The following SLC28A1 variants were observed in gnomAD, a reference collection of about 807,000 sequenced individuals.
The protein encoded by SLC28A1 is solute carrier family 28 member 1.
A neutral mutation model predicts 74.8 loss-of-function variants in SLC28A1; 64 were observed. The ratio of observed to expected loss-of-function variants is 0.86; its 90% CI spans 0.70 to 1.05. SLC28A1 has a LOEUF of 1.05. SLC28A1 is among the 50% of genes least tolerant of loss of function. The pLI is 0.00. For missense variants in SLC28A1, 828 were observed against 822.8 expected (o/e 1.01, Z -0.08); for synonymous variants, 359 against 335.0 (o/e 1.07, Z -0.78).
the SLC28A1 span, among the ~76,000 whole-genome samples, chr15:84,956,513 G>A: frequency 3.7e-4 from 42 of 113,064 alleles, no homozygotes; most frequent in Admixed American, 6.1e-4. Flanking sequence ...TTTTTCTTTC[G>A]ACAGGGTCTC....
chr15:84,912,808 A>ACG (rs1567150962), intron 9 of SLC28A1, among the ~76,000 whole-genome samples: 2 of 50,878 alleles, frequency 3.9e-5, no homozygotes, highest in African/African-American at 5.8e-5. Context: ...GCGCGCGCGC[A>ACG]CACACACACA....
Position 84,945,519 on chromosome 15 carries a change from C to T in SLC28A1, c.*319C>T, listed in dbSNP as rs1035113198. 2 of 395,018 alleles carry T rather than the reference C, an allele frequency of 5.1e-6. No individual in the cohort carries two copies. Among genetic ancestry groups the T allele is most frequent in the East Asian group, 6.0e-5 (1 of 16,706 alleles). The allele number at this position is 395,018 out of a possible 1,614,324, so 24.5% of individuals were successfully genotyped here. A position where few individuals can be genotyped will look rare whatever the true frequency, so the allele number is the denominator to read the frequency against. ...CACCCTGGTCCTCTCTATCCCCCCT[C>T]TCCTGGGGTCCCTCACATGCCCCTT... is the stretch of plus-strand genomic sequence containing the variant. On this transcript the variant is annotated 3_prime_UTR_variant, in exon 19 of 19. Transcript: ENST00000394573.
chr15:84,918,708 C>T (rs1969438821), intron 10 of SLC28A1, 104 bp downstream of exon 10: 1 of 862,068 alleles, frequency 1.2e-6, no homozygotes, highest in African/African-American at 1.6e-5. Context: ...CCTCCCCAGA[C>T]ACACTGCTCC....
chr15:84,908,178 CTTTT>C (rs71135328), intron 8 of SLC28A1, among the ~76,000 whole-genome samples: 9 of 91,356 alleles, frequency 9.9e-5, no homozygotes, highest in Non-Finnish European at 1.7e-4. Context: ...CAGAGCATTT[CTTTT>C]TTTTTTTTTT....
intron 8 of SLC28A1, among the ~76,000 whole-genome samples, chr15:84,906,581 CCTTCCTT>C (rs1567140912): frequency 3.9e-5 from 2 of 50,904 alleles, no homozygotes; most frequent in African/African-American, 1.6e-4. Context: ...TTTCTTCCTT[CCTTCCTT>C]CCTTCCTTCC....
At chr15:84,893,299 C>T (rs188412421) in intron 5 of SLC28A1, among the ~76,000 whole-genome samples, 35 of 152,244 alleles carry the variant, frequency 2.3e-4, no homozygotes, top group African/African-American at 7.5e-4. Context: ...CTGGCGACCA[C>T]GGAGCCTCTC....
At chr15:84,894,645 C>T (rs896607379) in intron 5 of SLC28A1, among the ~76,000 whole-genome samples, 8 of 152,212 alleles carry the variant, frequency 5.3e-5, no homozygotes, top group African/African-American at 7.2e-5. Context: ...TGATGCCCAG[C>T]GCCTCTTGCT....
intron 8 of SLC28A1, among the ~76,000 whole-genome samples, chr15:84,906,560 CTTTCTCTTTCTT>C (rs1168526491): frequency 3.9e-4 from 33 of 83,970 alleles, no homozygotes; most frequent in African/African-American, 1.6e-3. Context: ...TTCTTTCTTT[CTTTCTCTTTCTT>C]TCTTCCTTCC....
intron 12 of SLC28A1, 87 bp downstream of exon 12, chr15:84,924,197 G>A: frequency 6.8e-7 from 1 of 1,464,478 alleles, no homozygotes; most frequent in Non-Finnish European, 9.5e-7. Flanking sequence ...GGCCAGAGCA[G>A]CCCTCAGATC....
At chr15:84,906,416 A>G (rs2141794887) in intron 8 of SLC28A1, among the ~76,000 whole-genome samples, 1 of 152,108 alleles carries the variant, frequency 6.6e-6, no homozygotes, top group South Asian at 2.1e-4. Flanking sequence ...CCTGGGCTCA[A>G]GTGATCCTCC....
At chr15:84,915,029 C>A (rs1047848245) in intron 9 of SLC28A1, among the ~76,000 whole-genome samples, 4 of 152,146 alleles carry the variant, frequency 2.6e-5, no homozygotes, top group Non-Finnish European at 5.9e-5. Flanking sequence ...TGGCGTGGGC[C>A]CATCCCTGCA....
chr15:84,888,919 A>G, intron 4 of SLC28A1, 59 bp downstream of exon 4: 2 of 1,250,012 alleles, frequency 1.6e-6, no homozygotes, highest in African/African-American at 1.5e-5. Context: ...TGGGAACAGG[A>G]TGGGGAGCCG....
the SLC28A1 span, among the ~76,000 whole-genome samples, chr15:84,974,491 C>A: frequency 6.6e-6 from 1 of 152,196 alleles, no homozygotes; most frequent in Non-Finnish European, 1.5e-5. Flanking sequence ...GATGCTAATG[C>A]CAACCTGGCA....
At chr15:84,923,501 G>A (rs2141932827) in intron 11 of SLC28A1, among the ~76,000 whole-genome samples, 1 of 152,214 alleles carries the variant, frequency 6.6e-6, no homozygotes, top group Admixed American at 6.5e-5. Flanking sequence ...AAGGGCTTCG[G>A]GCTGCCCAGA....
intron 8 of SLC28A1, among the ~76,000 whole-genome samples, chr15:84,905,942 A>C (rs11073796): frequency 0.2 from 30,353 of 149,832 alleles, 3,232 homozygotes; most frequent in African/African-American, 0.25. Context: ...AAAAAAAAAA[A>C]CCCAAATCTG....
chr15:84,954,715 T>C, the SLC28A1 span, among the ~76,000 whole-genome samples: 6 of 152,248 alleles, frequency 3.9e-5, no homozygotes, highest in African/African-American at 1.4e-4. Flanking sequence ...TCCTCATTGA[T>C]CTGCCTAGTA....
intron 6 of SLC28A1, among the ~76,000 whole-genome samples, chr15:84,902,200 C>T (rs1443373141): frequency 4.6e-5 from 7 of 152,192 alleles, no homozygotes; most frequent in East Asian, 1.9e-4. Flanking sequence ...GCAAAGTAGG[C>T]AGGGTGCGGT....
the SLC28A1 span, among the ~76,000 whole-genome samples, chr15:84,968,916 G>A: frequency 6.6e-6 from 1 of 152,142 alleles, no homozygotes; most frequent in East Asian, 1.9e-4. Context: ...CCGGGTAAGG[G>A]GAGAGGGAAA....
At chr15:84,938,977 C>T (rs897143364) in intron 15 of SLC28A1, among the ~76,000 whole-genome samples, 4 of 152,046 alleles carry the variant, frequency 2.6e-5, no homozygotes, top group African/African-American at 9.7e-5. Context: ...TAATCACAGG[C>T]CAAGGAACAG....
Sources: allele counts gnomAD v4.1 joint callset (sites outside exome capture counted in the v4.1 genomes callset), GRCh38; gene constraint gnomAD v4.1.1; transcripts MANE v1.5; gene names NCBI Gene and HGNC (gene_info 2026-07-23, HGNC 2026-07-21).